Variants in DYNC2H1 observed in about 807,000 individuals in gnomAD.
DYNC2H1 encodes dynein cytoplasmic 2 heavy chain 1.
In DYNC2H1, 410 loss-of-function variants were observed where a neutral mutation model predicts 570.0. The observed-to-expected ratio is 0.72, with a 90% CI of 0.66 to 0.78. The LOEUF (loss-of-function observed/expected upper bound fraction) is 0.78. DYNC2H1 is among the 30% of genes least tolerant of loss of function. The pLI is 0.00. For synonymous variants in DYNC2H1, 1,688 were observed against 1,677.6 expected (o/e 1.01, Z -0.15); for missense variants, 4,865 against 5,046.4 (o/e 0.96, Z 1.09).
At chr11:103,323,299 A>G (rs1490682182) in intron 81 of DYNC2H1, among the ~76,000 whole-genome samples, 1 of 152,170 alleles carries the variant, frequency 6.6e-6, no homozygotes, top group Non-Finnish European at 1.5e-5. Flanking sequence ...GTGTAGGGTA[A>G]TTCTTAGGAT....
intron 85 of DYNC2H1, among the ~76,000 whole-genome samples, chr11:103,438,970 C>T (rs966652277): frequency 6.6e-6 from 1 of 151,898 alleles, no homozygotes; most frequent in Non-Finnish European, 1.5e-5. Context: ...AATGAGACCT[C>T]GCCTCTTAAA....
At position 103,155,314 on chromosome 11, in the gene DYNC2H1, T is replaced by A. The variant is rs1860763073; in HGVS notation, c.3574-17T>A. ...ATGTGTATACATATGACTTTTTCTT[T>A]TTTTTTTTTGTAACAGATCGTAATT... On this transcript the variant is annotated splice_polypyrimidine_tract_variant and intron_variant, in intron 24 of 88. Coordinates refer to ENST00000375735, the MANE Select transcript of DYNC2H1 (RefSeq NM_001377.3). The A allele has an allele frequency of 1.3e-6, 2 of 1,526,606 alleles. No individual in the cohort carries two copies. The highest frequency in any genetic ancestry group is 1.8e-6 in the Non-Finnish European group (2 of 1,128,504). The allele number at this position is 1,526,606 out of a possible 1,614,324, so 94.6% of individuals were successfully genotyped here.
intron 21 of DYNC2H1, among the ~76,000 whole-genome samples, chr11:103,152,511 A>T (rs954759549): frequency 2.6e-5 from 4 of 152,136 alleles, no homozygotes; most frequent in African/African-American, 9.7e-5. Context: ...TTGAAATGTA[A>T]CATTATTTGT....
chr11:103,288,534 T>C (rs969332101), intron 75 of DYNC2H1, among the ~76,000 whole-genome samples: 1 of 150,098 alleles, frequency 6.7e-6, no homozygotes, highest in Non-Finnish European at 1.5e-5. Context: ...GACTAGTAGG[T>C]TCGCTATGAG....
At chr11:103,248,572 G>A (rs1447705033) in intron 65 of DYNC2H1, among the ~76,000 whole-genome samples, 1 of 151,972 alleles carries the variant, frequency 6.6e-6, no homozygotes, top group Non-Finnish European at 1.5e-5. Flanking sequence ...AATCTATGGT[G>A]GCCACTGCCT....
intron 70 of DYNC2H1, among the ~76,000 whole-genome samples, chr11:103,279,383 C>T (rs552363857): frequency 6.6e-6 from 1 of 152,244 alleles, no homozygotes; most frequent in South Asian, 2.1e-4. Flanking sequence ...GAGTTGAAGT[C>T]AAAGAGTATG....
intron 87 of DYNC2H1, among the ~76,000 whole-genome samples, chr11:103,466,593 G>A (rs1945201335): frequency 1.3e-5 from 2 of 152,072 alleles, no homozygotes; most frequent in Non-Finnish European, 2.9e-5. Flanking sequence ...GGTGGAGGTG[G>A]GCAAAAGATT....
intron 70 of DYNC2H1, among the ~76,000 whole-genome samples, chr11:103,265,307 A>G (rs184028145): frequency 6.6e-6 from 1 of 152,342 alleles, no homozygotes; most frequent in Admixed American, 6.5e-5. Context: ...TTAGCAAACC[A>G]CCACGGCACA....
intron 88 of DYNC2H1, among the ~76,000 whole-genome samples, chr11:103,475,487 A>G (rs1309664452): frequency 2.0e-5 from 3 of 152,206 alleles, no homozygotes; most frequent in Non-Finnish European, 4.4e-5. Flanking sequence ...CATTGTGCTA[A>G]TATAATAGTG....
intron 80 of DYNC2H1, among the ~76,000 whole-genome samples, chr11:103,318,912 A>G (rs1272318752): frequency 2.6e-5 from 4 of 152,128 alleles, no homozygotes; most frequent in African/African-American, 9.7e-5. Context: ...CCCACCTCAT[A>G]CATGGGTAAC....
chr11:103,244,188 C>T lies in DYNC2H1; in HGVS notation c.9918+397C>T, dbSNP rs897730616. On this transcript the variant is annotated intron_variant, in intron 64 of 88. Transcript: ENST00000375735. The surrounding 1 kb of genome is among the most constrained non-coding windows in gnomAD (Gnocchi z 4.3). Reference sequence around the variant, plus strand: ...GCCTTTTAGCATATTTACAGTTTCTCTGAATGCCTCTCATAATTTCCAATT... The same window carrying T: ...GCCTTTTAGCATATTTACAGTTTCTTTGAATGCCTCTCATAATTTCCAATT... Among the ~76,000 whole-genome samples, 2 of 152,150 alleles carry T rather than the reference C, an allele frequency of 1.3e-5. No individual in the cohort carries two copies. Among genetic ancestry groups the T allele is most frequent in the African/African-American group, 4.8e-5 (2 of 41,568 alleles).
At chr11:103,290,292 T>A (rs1866541741) in intron 75 of DYNC2H1, among the ~76,000 whole-genome samples, 1 of 152,090 alleles carries the variant, frequency 6.6e-6, no homozygotes, top group South Asian at 2.1e-4. Flanking sequence ...ATATTTTGAG[T>A]CACTTTTTAG....
chr11:103,373,314 T>C (rs1591644793), intron 83 of DYNC2H1, among the ~76,000 whole-genome samples: 2 of 152,218 alleles, frequency 1.3e-5, no homozygotes, highest in Admixed American at 1.3e-4. Context: ...ATCAGTGTGT[T>C]GGCATATAGT....
intron 83 of DYNC2H1, among the ~76,000 whole-genome samples, chr11:103,389,791 A>G (rs533752920): frequency 0.013 from 1,912 of 152,044 alleles, 73 homozygotes; most frequent in Non-Finnish European, 8.5e-3. Flanking sequence ...TTCAGTTTCC[A>G]TGTAATTGAG....
intron 5 of DYNC2H1, 78 bp from the exon 6 acceptor site, chr11:103,117,553 G>A: frequency 8.5e-7 from 1 of 1,172,310 alleles, no homozygotes; most frequent in Non-Finnish European, 1.2e-6. Context: ...TAAAAATATT[G>A]TCATAAGCAT....
intron 59 of DYNC2H1, among the ~76,000 whole-genome samples, chr11:103,230,773 G>T (rs187709915): frequency 6.6e-6 from 1 of 152,060 alleles, no homozygotes. Context: ...AGGATGCTGA[G>T]GTGGGAAGAT....
In DYNC2H1 at chr11:103,241,480, A is replaced by C; in HGVS notation, c.9820-2213A>C. The C allele has an allele frequency of 6.4e-7, 1 of 1,561,488 alleles. No individual in the cohort carries two copies. Among genetic ancestry groups the C allele is most frequent in the Non-Finnish European group, 8.8e-7 (1 of 1,139,820 alleles). On this transcript the variant is annotated intron_variant, in intron 63 of 88. Transcript: ENST00000375735. The surrounding 1 kb of genome is among the most constrained non-coding windows in gnomAD (Gnocchi z 5.1). ...AACTTAAGCATGTTTTCTTTGCTAA[A>C]AACATTTTGAAATGTTACCTTTCTT...
chr11:103,186,616 A>T lies in DYNC2H1; in HGVS notation c.6893+115A>T. The T allele has an allele frequency of 7.5e-7, 1 of 1,332,750 alleles. No homozygotes were observed. 82.6% of individuals were successfully genotyped at this position (1,332,750 alleles called of 1,614,324 possible). ...TAAAGTAGCATTTACATTTTCATGG[A>T]AGATTCATTTTATTTTCATTACTTA... On this transcript the variant is annotated intron_variant, in intron 42 of 88. Coordinates refer to ENST00000375735, the MANE Select transcript of DYNC2H1 (RefSeq NM_001377.3). The surrounding 1 kb of genome is among the most constrained non-coding windows in gnomAD (Gnocchi z 4.5).
intron 83 of DYNC2H1, among the ~76,000 whole-genome samples, chr11:103,393,328 A>G (rs1390956820): frequency 1.3e-5 from 2 of 152,312 alleles, no homozygotes; most frequent in East Asian, 1.9e-4. Flanking sequence ...TTGTTACTCT[A>G]TTATTCTACT....
Sources: gnomAD v4.1 joint callset for allele counts (sites outside exome capture counted in the v4.1 genomes callset) on GRCh38, gnomAD v4.1.1 for gene constraint, Gnocchi (gnomAD v3.1) non-coding constraint, MANE v1.5 for transcripts, NCBI Gene and HGNC (gene_info 2026-07-23, HGNC 2026-07-21) for gene names.